GRM4: variants seen among roughly 807,000 people sequenced by gnomAD.
The protein encoded by GRM4 is glutamate metabotropic receptor 4.
GRM4 carries 28 observed loss-of-function variants against 81.7 expected under a neutral mutation model. The observed-to-expected ratio is 0.34, with a 90% CI of 0.25 to 0.47. The LOEUF is 0.47. GRM4 is among the 20% of genes least tolerant of loss of function. GRM4 has a pLI of 1.00. For missense variants in GRM4, 948 were observed against 1,290.0 expected (o/e 0.73, Z 4.06); for synonymous variants, 488 against 528.8 (o/e 0.92, Z 1.06).
rs1231408452 is a variant in GRM4, at chr6:34,064,424, T to C, written c.737-2396A>G. Reference sequence around the variant, plus strand: ...TCAGGGGAAGAGGTGGGGTTTGAACTTGGGCCATCTGGCTCCAGCGGCCAC... The same window carrying C: ...TCAGGGGAAGAGGTGGGGTTTGAACCTGGGCCATCTGGCTCCAGCGGCCAC... On this transcript the variant is annotated intron_variant, in intron 3 of 10. Transcript: ENST00000538487. The surrounding 1 kb of genome is among the most constrained non-coding windows in gnomAD (Gnocchi z 4.4). Among the ~76,000 whole-genome samples, 1 of 152,186 alleles carries C rather than the reference T, an allele frequency of 6.6e-6. No homozygotes were observed. Among genetic ancestry groups the C allele is most frequent in the Non-Finnish European group, 1.5e-5 (1 of 68,022 alleles).
chr6:34,072,846 CCA>C (rs777227759), intron 3 of GRM4, among the ~76,000 whole-genome samples: 5 of 50,552 alleles, frequency 9.9e-5, no homozygotes, highest in African/African-American at 2.2e-4. Context: ...CAGATACACA[CCA>C]CACACACAAT....
chr6:34,071,642 A>AAG (rs1766872336), intron 3 of GRM4, among the ~76,000 whole-genome samples: 1 of 143,234 alleles, frequency 7.0e-6, no homozygotes, highest in African/African-American at 2.6e-5. Context: ...TACACACCAC[A>AAG]CACACCCATT....
intron 10 of GRM4, chr6:34,024,776 T>C: frequency 4.4e-6 from 2 of 455,748 alleles, no homozygotes; most frequent in Non-Finnish European, 4.4e-6. Context: ...GGTGGGCAAG[T>C]TTCAAGGTTT....
At chr6:34,052,349 A>G (rs1255759158) in intron 6 of GRM4, among the ~76,000 whole-genome samples, 1 of 152,152 alleles carries the variant, frequency 6.6e-6, no homozygotes, top group Non-Finnish European at 1.5e-5. Flanking sequence ...CTCCTAAATC[A>G]GCTACTTGCT....
At chr6:34,023,525 C>G (rs1361007949) in intron 10 of GRM4, among the ~76,000 whole-genome samples, 1 of 152,114 alleles carries the variant, frequency 6.6e-6, no homozygotes, top group African/African-American at 2.4e-5. Context: ...CAAGGAAACA[C>G]AAGTCCCCCA....
chr6:34,130,882 TAA>T lies in GRM4; in HGVS notation c.519+2094_519+2095del, dbSNP rs58484459. Among the ~76,000 whole-genome samples the T allele has an allele frequency of 0.031, 4,697 of 152,356 alleles. 124 individuals carry two copies. The highest frequency in any genetic ancestry group is 0.064 in the African/African-American group (2,649 of 41,574). On this transcript the variant is annotated intron_variant, in intron 2 of 10. Coordinates refer to ENST00000538487, the MANE Select transcript of GRM4 (RefSeq NM_000841.4). The surrounding 1 kb of genome is among the most constrained non-coding windows in gnomAD (Gnocchi z 4.1). ...TAAAGGAGTTTAATTACAACTCAGA[TAA>T]AGAGAATACAGCAGCCTCCCTTGTG...
rs1288926225 is a variant in GRM4, at chr6:34,133,052, G to A, written c.445C>T (p.Arg149Cys). 1.2e-6 allele frequency: 2 copies of A among 1,613,804 alleles called. No individual in the cohort carries two copies. Among genetic ancestry groups the A allele is most frequent in the African/African-American group, 2.7e-5 (2 of 74,920 alleles). The change falls in exon 2 of 11, where the codon CGT (arginine) becomes TGT (cysteine). Residue 149 changes from arginine to cysteine, a missense_variant. Arg to Cys is a radical substitution (Grantham distance 180, BLOSUM62 -3). Transcript: ENST00000538487. The surrounding 1 kb of genome is among the most constrained non-coding windows in gnomAD (Gnocchi z 6.5). ...GAAGCACCGATGACACCCACCACAC[G>A]TTCAGGCTTGGTGATGATGGGTGGG... is the stretch of plus-strand genomic sequence containing the variant. ...GGPPIITKPE[R>C]VVGVIGASGS...
At chr6:34,102,101 T>C (rs1474345972) in intron 2 of GRM4, 4 of 1,535,560 alleles carry the variant, frequency 2.6e-6, no homozygotes, top group Non-Finnish European at 2.6e-6. Flanking sequence ...GGGAAATAGC[T>C]TGGGAAGAGT....
chr6:34,061,904 C>T lies in GRM4; in HGVS notation c.861G>A (p.Glu287=). The T allele has an allele frequency of 6.2e-7, 1 of 1,612,786 alleles. No individual in the cohort carries two copies. Among genetic ancestry groups the T allele is most frequent in the Non-Finnish European group, 8.5e-7 (1 of 1,178,972 alleles). The change falls in exon 4 of 11, where the codon GAG becomes GAA. Residue 287 remains glutamate (E), a synonymous_variant. Transcript: ENST00000538487. ...CCACCTGCCCTCACCTGATGTCATC[C>T]TCGTTGGCAAAGATGATGACTGCCC... ...NARAVIIFAN[E]DDIRRVLEAA...
intron 3 of GRM4, among the ~76,000 whole-genome samples, chr6:34,073,216 A>ATACC (rs1561793106): frequency 0.016 from 18 of 1,118 alleles, no homozygotes; most frequent in Non-Finnish European, 0.021. Context: ...ACATCACACA[A>ATACC]ACACACATCA....
chr6:34,027,727 C>T (rs1181769214), intron 10 of GRM4, among the ~76,000 whole-genome samples: 2 of 152,174 alleles, frequency 1.3e-5, no homozygotes, highest in Non-Finnish European at 2.9e-5. Flanking sequence ...AGGGCACAGG[C>T]AGGGGCACAG....
At chr6:34,087,799 TAC>T (rs71000022) in intron 3 of GRM4, among the ~76,000 whole-genome samples, 2,272 of 88,346 alleles carry the variant, frequency 0.026, 94 homozygotes, top group Middle Eastern at 0.082. Flanking sequence ...CATGCACCCC[TAC>T]ACACACACAC....
At chr6:34,039,277 G>A (rs2499677) in intron 8 of GRM4, among the ~76,000 whole-genome samples, 54,266 of 152,054 alleles carry the variant, frequency 0.36, 13,426 homozygotes, top group African/African-American at 0.71. Context: ...GGCCAAGAGT[G>A]CTTTGAAGAG....
At chr6:34,027,409 C>T (rs1429369488) in intron 10 of GRM4, among the ~76,000 whole-genome samples, 1 of 152,124 alleles carries the variant, frequency 6.6e-6, no homozygotes, top group African/African-American at 2.4e-5. Flanking sequence ...CTGCCTGGTG[C>T]CCTCCCCCAC....
upstream of GRM4, among the ~76,000 whole-genome samples, chr6:34,147,981 CA>C (rs1057193093): frequency 2.0e-4 from 30 of 152,076 alleles, no homozygotes; most frequent in Non-Finnish European, 3.5e-4. Context: ...AGAGATAAAA[CA>C]AACCCAGCCA....
chr6:34,066,005 C>T, intron 3 of GRM4, among the ~76,000 whole-genome samples: 1 of 152,180 alleles, frequency 6.6e-6, no homozygotes, highest in Non-Finnish European at 1.5e-5. Context: ...ACCTCCCCTC[C>T]TCCCTGGGCT....
chr6:34,100,899 C>T (rs1768798521), intron 2 of GRM4, among the ~76,000 whole-genome samples: 1 of 152,230 alleles, frequency 6.6e-6, no homozygotes. Flanking sequence ...CAGCCCGGGT[C>T]CCTGAGTAGA....
At chr6:34,116,129 T>A (rs1769588807) in intron 2 of GRM4, among the ~76,000 whole-genome samples, 1 of 152,130 alleles carries the variant, frequency 6.6e-6, no homozygotes, top group Admixed American at 6.5e-5. Flanking sequence ...GACTAGAATA[T>A]GAGGCCGAGT....
intron 3 of GRM4, among the ~76,000 whole-genome samples, chr6:34,084,301 AG>A (rs767729815): frequency 1.3e-4 from 20 of 152,216 alleles, no homozygotes; most frequent in Non-Finnish European, 2.5e-4. Flanking sequence ...TGTGCGAGGG[AG>A]GGCAGGGGGC....
Sources: gnomAD v4.1 joint callset for allele counts (sites outside exome capture counted in the v4.1 genomes callset) on GRCh38, gnomAD v4.1.1 for gene constraint, Gnocchi (gnomAD v3.1) non-coding constraint, MANE v1.5 for transcripts, NCBI Gene and HGNC (gene_info 2026-07-23, HGNC 2026-07-21) for gene names.